Variants in NWD1 observed in about 807,000 individuals in gnomAD.
NWD1 encodes the protein NACHT and WD repeat domain containing 1.
A neutral mutation model predicts 135.1 loss-of-function variants in NWD1; 129 were observed. That is an observed-to-expected ratio of 0.96 (90% CI 0.83 to 1.11). NWD1 has a LOEUF of 1.11. Among genes scored for constraint, NWD1 ranks in the 50% least tolerant of loss-of-function variants. NWD1 has a pLI of 0.00. For missense variants in NWD1, 1,740 were observed against 1,851.3 expected, an observed-to-expected ratio of 0.94 and a Z score of 1.10; for synonymous variants, 773 against 786.0, an observed-to-expected ratio of 0.98 and a Z score of 0.28.
chr19:16,736,193 T>TTTCCTTCTTTCCTTCTTTCC (rs1383779778), intron 3 of NWD1, among the ~76,000 whole-genome samples: 26 of 32,152 alleles, frequency 8.1e-4, no homozygotes, highest in African/African-American at 3.7e-3. Flanking sequence ...TCTTTCCTTC[T>TTTCCTTCTTTCCTTCTTTCC]TTCCTTCCTT....
intron 6 of NWD1, 103 bp downstream of exon 6, chr19:16,750,514 G>T: frequency 1.1e-6 from 1 of 902,472 alleles, no homozygotes; most frequent in East Asian, 2.7e-5. Flanking sequence ...GAGTGCAGTG[G>T]TGTGATCATA....
chr19:16,779,208 C>A, intron 11 of NWD1, 135 bp from the exon 12 acceptor site: 1 of 953,752 alleles, frequency 1.0e-6, no homozygotes, highest in Non-Finnish European at 1.6e-6. Context: ...TGCTGTGCAG[C>A]TTTGGGCAAG....
In NWD1 at chr19:16,750,024, G is replaced by A. The variant is rs905451838; in HGVS notation, c.1382G>A (p.Arg461Lys). 3 of 1,613,850 alleles carry A rather than the reference G, an allele frequency of 1.9e-6. No individual in the cohort carries two copies. The highest frequency in any genetic ancestry group is 2.7e-5 in the African/African-American group (2 of 75,044). The change falls in exon 6 of 19, where the codon AGG becomes AAG. Residue 461 changes from arginine to lysine, a missense_variant. Transcript: ENST00000524140. ...VPWLPLNCPP[R>K]VHLILSACSG... ...TGGCTGCCTCTCAACTGCCCCCCGA[G>A]GGTGCACCTCATCCTCTCAGCTTGC...
intron 10 of NWD1, among the ~76,000 whole-genome samples, chr19:16,767,352 C>G (rs529419644): frequency 6.6e-6 from 1 of 151,860 alleles, no homozygotes; most frequent in Admixed American, 6.6e-5. Context: ...TGGTGGCTCA[C>G]GCCTATAATC....
At chr19:16,737,884 G>C (rs949322403) in intron 4 of NWD1, among the ~76,000 whole-genome samples, 7 of 151,666 alleles carry the variant, frequency 4.6e-5, no homozygotes, top group Admixed American at 3.3e-4. Flanking sequence ...AGAATTGCTT[G>C]AACCTGGGAG....
chr19:16,759,228 C>T lies in NWD1; in HGVS notation c.1773C>T (p.His591=), dbSNP rs1169568767. 3 of 1,613,142 alleles carry T rather than the reference C, an allele frequency of 1.9e-6. No individual in the cohort carries two copies. The highest frequency in any genetic ancestry group is 1.7e-5 in the Admixed American group (1 of 59,988). Reference sequence around the variant, plus strand: ...GCCCCACTGGTCCTCCCTTCAGACACGGTCTCTCGGAGGCGGAGCTGAAGG... The same window carrying T: ...GCCCCACTGGTCCTCCCTTCAGACATGGTCTCTCGGAGGCGGAGCTGAAGG... The part of the protein sequence containing the change: ...HVLGYIVSSR[H]GLSEAELKDV... Residue 591 remains histidine, a synonymous_variant, in exon 7 of 19, where the codon CAC becomes CAT. Coordinates refer to ENST00000524140, the MANE Select transcript of NWD1 (RefSeq NM_001007525.5).
chr19:16,789,135 G>A lies in NWD1; in HGVS notation c.2885G>A (p.Trp962Ter), dbSNP rs781104485. The change falls in exon 13 of 19, where the codon TGG (tryptophan) becomes TAG (stop). Residue 962 changes from tryptophan (W) to a stop codon, truncating the protein, a stop_gained. Coordinates refer to ENST00000524140, the MANE Select transcript of NWD1 (RefSeq NM_001007525.5). LOFTEE classifies it high-confidence loss of function. ...GSKNPAEPQI[W>*]NLHVDEAHKV... ...AAAAATCCCGCTGAACCTCAGATCT[G>A]GAACCTTCATGTGGATGAGGCACAC... The A allele has an allele frequency of 1.2e-6, 2 of 1,614,012 alleles. No homozygotes were observed. The highest frequency in any genetic ancestry group is 2.2e-5 in the East Asian group (1 of 44,886).
intron 14 of NWD1, among the ~76,000 whole-genome samples, 178 bp downstream of exon 14, chr19:16,791,800 G>A (rs1010421098): frequency 3.3e-5 from 5 of 152,136 alleles, no homozygotes; most frequent in African/African-American, 7.2e-5. Flanking sequence ...TGCAACCTCC[G>A]CCTCTCGGGT....
At chr19:16,796,488 C>T (rs1970420342) in intron 15 of NWD1, among the ~76,000 whole-genome samples, 1 of 152,092 alleles carries the variant, frequency 6.6e-6, no homozygotes, top group Non-Finnish European at 1.5e-5. Flanking sequence ...AACAGGAGTT[C>T]TCACTCTGGG....
In NWD1 at chr19:16,750,424, GT is replaced by G; in HGVS notation, c.1769+17del. On this transcript the variant is annotated intron_variant, in intron 6 of 18. Transcript: ENST00000524140. ...TTGTGTCTTCCCGGTAAGTCTCTGT[GT>G]TTTGAAACTCTTATTTATTTATTTA... is the stretch of plus-strand genomic sequence containing the variant. 1 of 1,517,886 alleles carries G rather than the reference GT, an allele frequency of 6.6e-7. No homozygotes were observed. The highest frequency in any genetic ancestry group is 8.8e-7 in the Non-Finnish European group (1 of 1,134,714). The allele number at this position is 1,517,886 out of a possible 1,614,324, so 94.0% of individuals were successfully genotyped here. A position where few individuals can be genotyped will look rare whatever the true frequency, so the allele number is the denominator to read the frequency against.
intron 8 of NWD1, 92 bp from the exon 9 acceptor site, chr19:16,763,736 C>T: frequency 1.2e-6 from 1 of 824,344 alleles, no homozygotes; most frequent in South Asian, 1.4e-5. Context: ...CACTCCAGCA[C>T]TGTCTGGAGC....
At chr19:16,762,239 A>C in intron 8 of NWD1, 101 bp downstream of exon 8, 3 of 1,008,648 alleles carry the variant, frequency 3.0e-6, no homozygotes, top group Admixed American at 2.3e-5. Flanking sequence ...TGTCCTCCCG[A>C]CCTACTTCTC....
intron 10 of NWD1, among the ~76,000 whole-genome samples, chr19:16,771,375 G>A (rs549843076): frequency 2.6e-5 from 4 of 152,204 alleles, no homozygotes; most frequent in African/African-American, 9.6e-5. Context: ...GCTTGAACCC[G>A]GGAGGCAGAT....
intron 14 of NWD1, 67 bp from the exon 15 acceptor site, chr19:16,794,395 TA>T (rs2123067847): frequency 2.3e-6 from 2 of 863,920 alleles, no homozygotes; most frequent in Admixed American, 2.7e-5. Flanking sequence ...ATTAAAAAAT[TA>T]AAAAATTCCA....
chr19:16,781,898 C>G (rs1969865800), intron 12 of NWD1, among the ~76,000 whole-genome samples: 1 of 151,656 alleles, frequency 6.6e-6, no homozygotes, highest in Non-Finnish European at 1.5e-5. Context: ...CGAGACCATC[C>G]TGGCTAACAC....
In NWD1 at chr19:16,747,439, C is replaced by T. The variant is rs1290697434; in HGVS notation, c.497-1700C>T. Among the ~76,000 whole-genome samples, 8 of 151,824 alleles carry T rather than the reference C, an allele frequency of 5.3e-5. No individual in the cohort carries two copies. In the East Asian group the frequency reaches 1.6e-3, roughly 29 times the overall value. On this transcript the variant is annotated intron_variant, in intron 5 of 18. Coordinates refer to ENST00000524140, the MANE Select transcript of NWD1 (RefSeq NM_001007525.5). ...TTGCCCAGGCTGGAGTGCAGTGGCA[C>T]GATCACGGCTCAGTGTGGCCTCCAG...
At chr19:16,741,571 G>T (rs1005815952) in intron 4 of NWD1, among the ~76,000 whole-genome samples, 4 of 151,808 alleles carry the variant, frequency 2.6e-5, no homozygotes, top group Admixed American at 1.3e-4. Flanking sequence ...GTTTCGCTAT[G>T]TTGGCCAGGC....
chr19:16,812,734 GT>G (rs753665483), intron 18 of NWD1: 15 of 780,870 alleles, frequency 1.9e-5, no homozygotes, highest in Non-Finnish European at 3.1e-5. Context: ...CATATTGTCT[GT>G]TTTCAACAGA....
chr19:16,758,416 A>G (rs934960663), intron 6 of NWD1, among the ~76,000 whole-genome samples: 3 of 152,108 alleles, frequency 2.0e-5, no homozygotes, highest in South Asian at 2.1e-4. Flanking sequence ...AGCAGGGACT[A>G]CAGGTGTGTG....
Sources: gnomAD v4.1 joint callset for allele counts (sites outside exome capture counted in the v4.1 genomes callset) on GRCh38, gnomAD v4.1.1 for gene constraint, MANE v1.5 for transcripts, NCBI Gene and HGNC (gene_info 2026-07-23, HGNC 2026-07-21) for gene names.